Variants in PREP observed in about 807,000 individuals in gnomAD.
The protein encoded by PREP is dJ355L5.1 (prolyl endopeptidase).
In PREP, 29 loss-of-function variants were observed where a neutral mutation model predicts 87.6. That is an observed-to-expected ratio of 0.33 (90% CI 0.25 to 0.45). The LOEUF is 0.45. Ranked by LOEUF, PREP falls within the 20% of genes least tolerant of loss-of-function variation. The pLI is 1.00. For synonymous variants in PREP, 337 were observed against 328.6 expected (o/e 1.03, Z -0.28); for missense variants, 695 against 886.5 (o/e 0.78, Z 2.74).
intron 6 of PREP, among the ~76,000 whole-genome samples, chr6:105,362,590 T>C (rs1351678326): frequency 1.3e-5 from 2 of 152,234 alleles, no homozygotes; most frequent in East Asian, 1.9e-4. Context: ...AGGATTGTTT[T>C]ATGTATGAAG....
At chr6:105,307,507 A>C (rs993392235) in intron 10 of PREP, among the ~76,000 whole-genome samples, 4 of 152,134 alleles carry the variant, frequency 2.6e-5, no homozygotes, top group Non-Finnish European at 4.4e-5. Flanking sequence ...TTATATTCCC[A>C]AAAATAATTA....
At chr6:105,300,926 G>C (rs910205654) in intron 10 of PREP, among the ~76,000 whole-genome samples, 3 of 152,212 alleles carry the variant, frequency 2.0e-5, no homozygotes, top group African/African-American at 7.2e-5. Flanking sequence ...CCTTAGTTGT[G>C]CAAAGATCAA....
At chr6:105,370,417 C>T (rs1049387509) in intron 5 of PREP, among the ~76,000 whole-genome samples, 2 of 152,006 alleles carry the variant, frequency 1.3e-5, no homozygotes, top group Admixed American at 1.3e-4. Context: ...GAGGAACTCT[C>T]ATTCATTGCT....
At chr6:105,300,697 T>A (rs893156251) in intron 10 of PREP, among the ~76,000 whole-genome samples, 1 of 152,032 alleles carries the variant, frequency 6.6e-6, no homozygotes, top group African/African-American at 2.4e-5. Context: ...AGAAATCCCA[T>A]CTCTGTTGTC....
Position 105,277,816 on chromosome 6 carries a change from A to G in PREP, c.*328T>C, listed in dbSNP as rs1265474706. On this transcript the variant is annotated 3_prime_UTR_variant, in exon 15 of 15. Transcript: ENST00000652536. ...AGATATAGAGGTTATGGATATAGAT[A>G]AGTATGCCCGACTATGATCCTTAAT... 5 of 322,802 alleles carry G rather than the reference A, an allele frequency of 1.5e-5. No individual in the cohort carries two copies. Among genetic ancestry groups the G allele is most frequent in the Non-Finnish European group, 2.9e-5 (5 of 174,998 alleles). The allele number at this position is 322,802 out of a possible 1,614,324, so 20.0% of individuals were successfully genotyped here.
At chr6:105,344,679 G>A (rs1254492693) in intron 7 of PREP, among the ~76,000 whole-genome samples, 4 of 151,700 alleles carry the variant, frequency 2.6e-5, no homozygotes, top group East Asian at 1.9e-4. Context: ...AGGGCCTGTC[G>A]TGGGGTGGGG....
At chr6:105,396,871 CTTAA>C (rs1055248150) in intron 2 of PREP, among the ~76,000 whole-genome samples, 14 of 152,138 alleles carry the variant, frequency 9.2e-5, no homozygotes, top group African/African-American at 3.1e-4. Flanking sequence ...ACCAAGCAAA[CTTAA>C]TTAACTACAT....
chr6:105,393,898 C>A (rs1773224515), intron 2 of PREP, among the ~76,000 whole-genome samples: 1 of 150,978 alleles, frequency 6.6e-6, no homozygotes, highest in South Asian at 2.1e-4. Flanking sequence ...TTTATGTAAT[C>A]CATATAAAAT....
intron 7 of PREP, among the ~76,000 whole-genome samples, chr6:105,343,282 T>A (rs1258134836): frequency 6.6e-6 from 1 of 152,164 alleles, no homozygotes; most frequent in Admixed American, 6.5e-5. Flanking sequence ...GGGGAAAGGA[T>A]TCCCTATTTA....
intron 10 of PREP, among the ~76,000 whole-genome samples, chr6:105,314,708 T>A (rs1311909969): frequency 6.6e-6 from 1 of 152,202 alleles, no homozygotes; most frequent in Non-Finnish European, 1.5e-5. Context: ...CTCAAAGTCA[T>A]TCCTGAAGGG....
rs1331075803 is a variant in PREP at position 105,312,244 on chromosome 6, T to C, written c.1317+11421A>G. 3.9e-5 allele frequency among the ~76,000 whole-genome samples: 6 copies of C among 152,210 alleles called. No homozygotes were observed. In the East Asian group the frequency reaches 1.2e-3, roughly 29 times the overall value. ...AGACATGCTTGTATGCATATATTAATGTTTATGGCTACTTCTATACAGGCA... is the reference window on the plus strand; with the variant it reads ...AGACATGCTTGTATGCATATATTAACGTTTATGGCTACTTCTATACAGGCA... On this transcript the variant is annotated intron_variant, in intron 10 of 14. Transcript: ENST00000652536.
chr6:105,282,654 A>AATGATAGAGCACGGTTTCAAATACTGATT, intron 12 of PREP, 72 bp from the exon 13 acceptor site: 2 of 1,531,060 alleles, frequency 1.3e-6, no homozygotes, highest in Non-Finnish European at 1.8e-6. Context: ...TGGGAATTCA[A>AATGATAGAGCACGGTTTCAAATACTGATT]ATGATAGAGC....
chr6:105,392,318 G>A (rs1457106318), intron 2 of PREP, among the ~76,000 whole-genome samples: 8 of 152,108 alleles, frequency 5.3e-5, no homozygotes, highest in Non-Finnish European at 1.0e-4. Context: ...GATTACAGGC[G>A]TGAGCCCCCA....
rs144754584 is a variant in PREP at position 105,333,621 on chromosome 6, T to C, written c.824-116A>G. The C allele has an allele frequency of 0.011, 12,195 of 1,070,130 alleles. 107 individuals carry two copies. Among genetic ancestry groups the C allele is most frequent in the Middle Eastern group, 0.02 (94 of 4,780 alleles). 66.3% of individuals were successfully genotyped at this position (1,070,130 alleles called of 1,614,324 possible). ...TCCTCAAAACATAAAGCAGAGATAT[T>C]TGGAAGATCTAGGGCATGAAAAGGA... On this transcript the variant is annotated intron_variant, in intron 7 of 14. Coordinates refer to ENST00000652536, the MANE Select transcript of PREP (RefSeq NM_002726.5).
intron 6 of PREP, among the ~76,000 whole-genome samples, chr6:105,363,149 T>C (rs1248300092): frequency 1.3e-5 from 2 of 151,522 alleles, no homozygotes; most frequent in South Asian, 2.1e-4. Flanking sequence ...AGGATTACTT[T>C]TGAAAAAAAA....
At chr6:105,345,453 C>A in intron 7 of PREP, among the ~76,000 whole-genome samples, 1 of 152,064 alleles carries the variant, frequency 6.6e-6, no homozygotes, top group East Asian at 1.9e-4. Context: ...TTGTCTTATG[C>A]TTTTCCTAGA....
chr6:105,328,986 G>A lies in PREP; in HGVS notation c.1056C>T (p.Cys352=), dbSNP rs200447127. 6.4e-5 allele frequency: 103 copies of A among 1,614,110 alleles called. No homozygotes were observed. Among genetic ancestry groups the A allele is most frequent in the Non-Finnish European group, 8.4e-5 (99 of 1,179,998 alleles). Residue 352 remains cysteine (C), a synonymous_variant, in exon 9 of 15, where the codon TGC becomes TGT. Coordinates refer to ENST00000652536, the MANE Select transcript of PREP (RefSeq NM_002726.5). ...GAATGTTCTTGACGTCATGGAGGTA[G>A]CATAAGACCAAGAAGTTGGACCTGA... The part of the protein sequence containing the change: ...ACVRSNFLVL[C]YLHDVKNILQ...
At position 105,333,434 on chromosome 6, in the gene PREP, C is replaced by T; in HGVS notation, c.895G>A (p.Val299Met). 1.2e-6 allele frequency: 2 copies of T among 1,614,182 alleles called. No individual in the cohort carries two copies. Among genetic ancestry groups the T allele is most frequent in the South Asian group, 1.1e-5 (1 of 91,084 alleles). Reference sequence around the variant, plus strand: ...TGGCGATTCGTCTTGAATGTGAACACCGTCCCCTCATTGGTCACGTAGTCA... The same window carrying T: ...TGGCGATTCGTCTTGAATGTGAACATCGTCCCCTCATTGGTCACGTAGTCA... The part of the protein sequence containing the change: ...EYDYVTNEGT[V>M]FTFKTNRQSP... The change falls in exon 8 of 15, where the codon GTG becomes ATG. Residue 299 changes from valine (V) to methionine (M), a missense_variant. This residue lies in a region of PREP where 517 missense variants were observed against 620.3 expected (regional missense o/e 0.83). Transcript: ENST00000652536.
intron 7 of PREP, among the ~76,000 whole-genome samples, chr6:105,335,809 C>T (rs1003911436): frequency 3.3e-5 from 5 of 152,064 alleles, no homozygotes; most frequent in Admixed American, 2.0e-4. Flanking sequence ...AGGAGAATGG[C>T]GTGAACCCGG....
Sources: allele counts gnomAD v4.1 joint callset (sites outside exome capture counted in the v4.1 genomes callset), GRCh38; gene constraint gnomAD v4.1.1; regional missense constraint gnomAD v4.1.1; transcripts MANE v1.5; gene names NCBI Gene and HGNC (gene_info 2026-07-23, HGNC 2026-07-21).